The following MEGF6 variants were observed in gnomAD, a reference collection of about 807,000 sequenced individuals.
MEGF6 encodes multiple EGF like domains 6.
A neutral mutation model predicts 207.1 loss-of-function variants in MEGF6; 184 were observed. The ratio of observed to expected loss-of-function variants is 0.89; its 90% CI spans 0.79 to 1.00. The LOEUF is 1.00. MEGF6 is among the 50% of genes least tolerant of loss of function. MEGF6 has a pLI of 0.00. For missense variants in MEGF6, 2,282 were observed against 2,202.9 expected, an observed-to-expected ratio of 1.04 and a Z score of -0.72; for synonymous variants, 1,038 against 910.0, an observed-to-expected ratio of 1.14 and a Z score of -2.53.
intron 2 of MEGF6, among the ~76,000 whole-genome samples, chr1:3,601,393 G>A (rs971096882): frequency 5.9e-5 from 9 of 152,386 alleles, no homozygotes; most frequent in African/African-American, 1.9e-4. Flanking sequence ...AGTCAGGACA[G>A]ACTGCAAGCT....
intron 4 of MEGF6, among the ~76,000 whole-genome samples, chr1:3,568,123 A>G (rs1643398426): frequency 6.6e-6 from 1 of 152,176 alleles, no homozygotes; most frequent in Non-Finnish European, 1.5e-5. Context: ...TCCACAGCTC[A>G]GCCACAGGCT....
At chr1:3,524,604 C>T (rs1247385393) in intron 4 of MEGF6, among the ~76,000 whole-genome samples, 3 of 152,272 alleles carry the variant, frequency 2.0e-5, no homozygotes, top group East Asian at 3.9e-4. Context: ...CGGTGTCAAC[C>T]GCTCCACCAG....
chr1:3,584,888 TG>T (rs1368916638), intron 3 of MEGF6, among the ~76,000 whole-genome samples: 1 of 152,204 alleles, frequency 6.6e-6, no homozygotes, highest in Admixed American at 6.5e-5. Flanking sequence ...CGGAGGTGCC[TG>T]GGGACTCTAA....
Position 3,498,709 on chromosome 1 carries a change from GC to G in MEGF6, c.3211del (p.Ala1071ProfsTer203). ...CGCCCAGCGCTCACCCTTCTCACAG[GC>G]CAGGCCGGCCCAGCCCTCTGGGCAC... ...CACPEGWAGL[A>X]CEKECLPRDV... is the part of the protein sequence containing the mutation. On this transcript the variant is annotated frameshift_variant, in exon 25 of 37. Transcript: ENST00000356575. LOFTEE classifies it high-confidence loss of function. 1 of 1,568,086 alleles carries G rather than the reference GC, an allele frequency of 6.4e-7. No homozygotes were observed.
Position 3,492,653 on chromosome 1 carries a change from G to A in MEGF6, c.4502C>T (p.Pro1501Leu), listed in dbSNP as rs767385748. 2.5e-6 allele frequency: 4 copies of A among 1,610,942 alleles called. No individual in the cohort carries two copies. In the Admixed American group the frequency reaches 5.0e-5, roughly 20 times the overall value. ...GCCCAGCTCACCTTCCCGGCACGTG[G>A]GCCCCATGTAGCCATCCACACAGTG... Reference protein sequence around the residue: ...QCHCVDGYMGPTCREGGPLRL... With the variant: ...QCHCVDGYMGLTCREGGPLRL... Residue 1501 changes from proline (P) to leucine (L), a missense_variant, in exon 35 of 37, where the codon CCC becomes CTC. By Grantham distance (98) the Pro-to-Leu change is moderately conservative. Transcript: ENST00000356575.
intron 9 of MEGF6, among the ~76,000 whole-genome samples, chr1:3,511,143 T>C (rs1210121089): frequency 6.6e-6 from 1 of 152,218 alleles, no homozygotes; most frequent in Non-Finnish European, 1.5e-5. Context: ...ACAGGACACA[T>C]GTCACAGCCC....
chr1:3,608,966 G>C (rs1644289961), intron 1 of MEGF6, among the ~76,000 whole-genome samples: 1 of 152,254 alleles, frequency 6.6e-6, no homozygotes, highest in South Asian at 2.1e-4. Flanking sequence ...GCCTCCGACA[G>C]CGTCTCCTAG....
In MEGF6 at chr1:3,501,399, C is replaced by T. The variant is rs934458055; in HGVS notation, c.2315-91G>A. 2.8e-5 allele frequency: 41 copies of T among 1,469,914 alleles called. No individual in the cohort carries two copies. In the African/African-American group the frequency reaches 4.2e-4, roughly 15 times the overall value. 91.1% of individuals were successfully genotyped at this position (1,469,914 alleles called of 1,614,324 possible). The stretch of plus-strand genomic sequence containing the variant: ...GGCACGATGCCCCTGGAGCCACGGC[C>T]GAGGAGGTGGAACCACTGTTACCAT... On this transcript the variant is annotated intron_variant, in intron 18 of 36. Transcript: ENST00000356575.
the MEGF6 span, among the ~76,000 whole-genome samples, chr1:3,617,898 G>A: frequency 9.9e-5 from 15 of 152,186 alleles, no homozygotes; most frequent in African/African-American, 3.6e-4. Context: ...AGAGAGACAG[G>A]CTGGCCCGGT....
rs1434433449 is a variant in MEGF6 at position 3,495,833 on chromosome 1, A to G, written c.3871+57T>C. ...CACCCCTCCAGTGTCCCCACGGCTA[A>G]TCCAGTGACATCTCTGTGAAGGGCC... On this transcript the variant is annotated intron_variant, in intron 30 of 36. Coordinates refer to ENST00000356575, the MANE Select transcript of MEGF6 (RefSeq NM_001409.4). 5.1e-6 allele frequency: 8 copies of G among 1,573,806 alleles called. No homozygotes were observed. In the East Asian group the frequency reaches 1.8e-4, roughly 36 times the overall value.
chr1:3,501,426 T>A, intron 18 of MEGF6, 118 bp from the exon 19 acceptor site: 4 of 1,407,372 alleles, frequency 2.8e-6, no homozygotes, highest in Non-Finnish European at 3.8e-6. Context: ...TGTTACCATC[T>A]CAGCCTGCCC....
At position 3,557,348 on chromosome 1, in the gene MEGF6, G is replaced by A. The variant is rs114178192; in HGVS notation, c.481+22477C>T. On this transcript the variant is annotated intron_variant, in intron 4 of 36. Transcript: ENST00000356575. ...CTTTACCATGAAAAACAAACAGAACGCAGCTTCCCCCGCAGAGCTCTGCAG... is the reference window on the plus strand; with the variant it reads ...CTTTACCATGAAAAACAAACAGAACACAGCTTCCCCCGCAGAGCTCTGCAG... 4.8e-3 allele frequency among the ~76,000 whole-genome samples: 733 copies of A among 152,322 alleles called. 4 individuals are homozygous for A. The highest frequency in any genetic ancestry group is 0.017 in the African/African-American group (690 of 41,576).
At chr1:3,563,106 G>C (rs577085895) in intron 4 of MEGF6, among the ~76,000 whole-genome samples, 10 of 152,216 alleles carry the variant, frequency 6.6e-5, no homozygotes, top group Non-Finnish European at 1.3e-4. Context: ...CTGCTCTGTT[G>C]AGCAGCCCTG....
chr1:3,612,365 G>A (rs1644339993), upstream of MEGF6, among the ~76,000 whole-genome samples: 1 of 151,122 alleles, frequency 6.6e-6, no homozygotes, highest in South Asian at 2.1e-4. Flanking sequence ...CTAGGGTGAG[G>A]CTTCTGCGAA....
chr1:3,511,384 C>G (rs541154292), intron 9 of MEGF6, among the ~76,000 whole-genome samples, 166 bp downstream of exon 9: 3 of 152,340 alleles, frequency 2.0e-5, no homozygotes, highest in South Asian at 2.1e-4. Context: ...AGGATGCTGC[C>G]TCTGTCAGAC....
rs771284871 is a variant in MEGF6, at chr1:3,494,016, T to C, written c.4238A>G (p.His1413Arg). The change falls in exon 33 of 37, where the codon CAC becomes CGC. Residue 1413 changes from histidine to arginine, a missense_variant. Transcript: ENST00000356575. The stretch of plus-strand genomic sequence containing the variant: ...CTCACCCCTCTCACAGAAGTGGCCG[T>C]GGAAGCCGGCAGGGCAGAGGCATCG... Reference protein sequence around the residue: ...SGRCLCPAGFHGHFCERGCEP... With the variant: ...SGRCLCPAGFRGHFCERGCEP... 6.2e-7 allele frequency: 1 copy of C among 1,605,986 alleles called. No homozygotes were observed. The highest frequency in any genetic ancestry group is 1.7e-5 in the Admixed American group (1 of 58,722).
chr1:3,504,985 G>A (rs1477917579), intron 17 of MEGF6, among the ~76,000 whole-genome samples: 3 of 152,140 alleles, frequency 2.0e-5, no homozygotes, highest in African/African-American at 7.2e-5. Flanking sequence ...CTGCTGCCCT[G>A]AGCAGACCAG....
At chr1:3,566,946 G>A (rs1281345862) in intron 4 of MEGF6, among the ~76,000 whole-genome samples, 3 of 152,298 alleles carry the variant, frequency 2.0e-5, no homozygotes, top group East Asian at 1.9e-4. Context: ...CGGCCCCTAC[G>A]GCGGCCCTCA....
chr1:3,555,458 G>C (rs892044670), intron 4 of MEGF6, among the ~76,000 whole-genome samples: 2 of 152,242 alleles, frequency 1.3e-5, no homozygotes, highest in Admixed American at 6.5e-5. Flanking sequence ...GGCAGGATGA[G>C]AGCCGGGGCA....
Sources: allele counts gnomAD v4.1 joint callset (sites outside exome capture counted in the v4.1 genomes callset), GRCh38; gene constraint gnomAD v4.1.1; transcripts MANE v1.5; gene names NCBI Gene and HGNC (gene_info 2026-07-23, HGNC 2026-07-21).